Variants in BANP observed in about 807,000 individuals in gnomAD.
BANP encodes protein BANP.
In BANP, 11 loss-of-function variants were observed where a neutral mutation model predicts 68.1. That is an observed-to-expected ratio of 0.16 (90% CI 0.10 to 0.27). The LOEUF is 0.27. BANP is among the 10% of genes least tolerant of loss of function. The probability of loss-of-function intolerance (pLI) is 1.00; values close to 1 mark genes in which losing one functional copy is unlikely to be tolerated. For missense variants in BANP, 504 were observed against 722.7 expected, an observed-to-expected ratio of 0.70 and a Z score of 3.47; for synonymous variants, 329 against 303.2, an observed-to-expected ratio of 1.09 and a Z score of -0.88.
intron 13 of BANP, among the ~76,000 whole-genome samples, chr16:88,075,436 G>A (rs1226427258): frequency 6.6e-6 from 1 of 152,202 alleles, no homozygotes; most frequent in South Asian, 2.1e-4. Context: ...CCATGAGGTC[G>A]AGGCGGCCGT....
chr16:87,978,209 A>G (rs1346565764), intron 2 of BANP, among the ~76,000 whole-genome samples: 1 of 152,226 alleles, frequency 6.6e-6, no homozygotes, highest in Non-Finnish European at 1.5e-5. Context: ...AGAATTATAG[A>G]AAGGAACACA....
rs908003226 is a variant in BANP, at chr16:88,018,414, CTTCTG to C, written c.656-11_656-7del. 5 of 1,606,154 alleles carry C rather than the reference CTTCTG, an allele frequency of 3.1e-6. No homozygotes were observed. In the African/African-American group the frequency reaches 6.7e-5, roughly 21 times the overall value. Reference sequence around the variant, plus strand: ...GAGCCTTGGCCATCTGAGGACCTGTCTTCTGTTTTTCAGAGGACTACCCCAATGGC... The same window carrying C: ...GAGCCTTGGCCATCTGAGGACCTGTCTTTTTCAGAGGACTACCCCAATGGC... On this transcript the variant is annotated splice_polypyrimidine_tract_variant and intron_variant, in intron 6 of 13. Coordinates refer to ENST00000682872, the MANE Select transcript of BANP (RefSeq NM_001386991.1). This position sits in a 1 kb window ranked among gnomAD's most constrained non-coding sequence, Gnocchi z 7.7.
chr16:88,048,662 T>C (rs2082552763), intron 11 of BANP, among the ~76,000 whole-genome samples: 1 of 152,018 alleles, frequency 6.6e-6, no homozygotes, highest in Non-Finnish European at 1.5e-5. Flanking sequence ...CTAACAGTGT[T>C]CTTGGTATTG....
chr16:87,977,106 G>C (rs1041946633), intron 2 of BANP, among the ~76,000 whole-genome samples: 1 of 151,968 alleles, frequency 6.6e-6, no homozygotes, highest in African/African-American at 2.4e-5. Flanking sequence ...GCGATTTCTT[G>C]AGTATTTGTT....
At chr16:87,985,062 G>A (rs1363596297) in intron 4 of BANP, among the ~76,000 whole-genome samples, 3 of 152,182 alleles carry the variant, frequency 2.0e-5, no homozygotes, top group African/African-American at 4.8e-5. Flanking sequence ...TGTGGACGCC[G>A]AGGAATGGGA....
At chr16:88,046,400 C>T (rs1482555699) in intron 11 of BANP, among the ~76,000 whole-genome samples, 3 of 152,198 alleles carry the variant, frequency 2.0e-5, no homozygotes, top group African/African-American at 7.2e-5. Flanking sequence ...AAAGTTCATT[C>T]TTTCACGTGA....
At chr16:88,014,270 C>T (rs983449203) in intron 6 of BANP, among the ~76,000 whole-genome samples, 5 of 152,188 alleles carry the variant, frequency 3.3e-5, no homozygotes, top group African/African-American at 1.2e-4. Flanking sequence ...CTTGGGTGCA[C>T]TGGGTCTGGA....
intron 4 of BANP, among the ~76,000 whole-genome samples, chr16:87,988,555 G>A (rs1282154221): frequency 2.0e-5 from 3 of 151,940 alleles, no homozygotes; most frequent in African/African-American, 7.3e-5. Context: ...GTGAGCCACC[G>A]CCCCCGGCCG....
chr16:87,973,753 C>CAAAAAAAAA (rs58334556), intron 1 of BANP, among the ~76,000 whole-genome samples: 6 of 99,452 alleles, frequency 6.0e-5, no homozygotes, highest in East Asian at 1.2e-3. Flanking sequence ...AACTCCATCA[C>CAAAAAAAAA]AAAAAAAAAA....
At chr16:88,053,418 T>C (rs112926044) in intron 11 of BANP, among the ~76,000 whole-genome samples, 150 of 84,148 alleles carry the variant, frequency 1.8e-3, no homozygotes, top group Middle Eastern at 9.1e-3. Context: ...CAACCACCTT[T>C]ACCACCACCA....
At chr16:88,053,108 C>T (rs2083698704) in intron 11 of BANP, among the ~76,000 whole-genome samples, 1 of 152,100 alleles carries the variant, frequency 6.6e-6, no homozygotes, top group African/African-American at 2.4e-5. Context: ...ACCACTACCA[C>T]CCCCACCTCC....
chr16:88,072,264 C>T (rs1337742407), intron 13 of BANP, 52 bp downstream of exon 13: 2 of 1,554,856 alleles, frequency 1.3e-6, no homozygotes. Context: ...TGGCCGCCTG[C>T]CGCTGCCACC....
chr16:88,046,067 A>T (rs1403032402), intron 11 of BANP, among the ~76,000 whole-genome samples: 4 of 152,320 alleles, frequency 2.6e-5, no homozygotes, highest in African/African-American at 7.2e-5. Flanking sequence ...CCACACTGGC[A>T]CTGGTGCCCA....
intron 11 of BANP, among the ~76,000 whole-genome samples, chr16:88,050,558 G>A (rs1308951290): frequency 6.6e-6 from 1 of 152,234 alleles, no homozygotes. Flanking sequence ...TGGCGTTGCA[G>A]CCCACAGGAG....
Position 88,072,189 on chromosome 16 carries a change from A to G in BANP, c.1498A>G (p.Ser500Gly). 1 of 1,610,866 alleles carries G rather than the reference A, an allele frequency of 6.2e-7. No homozygotes were observed. The change falls in exon 13 of 14, where the codon AGT (serine) becomes GGT (glycine). Residue 500 changes from serine (S) to glycine (G), a missense_variant. Ser to Gly is a moderately conservative substitution (Grantham distance 56). Around this residue, in one of 3 missense-constraint regions of BANP, gnomAD observed 223 missense variants for 246.2 expected, o/e 0.91. Coordinates refer to ENST00000682872, the MANE Select transcript of BANP (RefSeq NM_001386991.1). The part of the protein sequence containing the change: ...QVQYVQLAPV[S>G]DHTAGAQTAE... ...TCAGTACGTGCAGCTGGCGCCAGTG[A>G]GTGACCACACGGCCGGGGCACAGGT... is the stretch of plus-strand genomic sequence containing the variant.
chr16:88,065,765 C>CT (rs1201517940), intron 12 of BANP, among the ~76,000 whole-genome samples: 11 of 152,252 alleles, frequency 7.2e-5, no homozygotes, highest in African/African-American at 2.6e-4. Context: ...GGGAACTGGG[C>CT]TGGTGGCAGG....
At chr16:88,068,943 C>T (rs2089552180) in intron 12 of BANP, among the ~76,000 whole-genome samples, 1 of 151,284 alleles carries the variant, frequency 6.6e-6, no homozygotes, top group South Asian at 2.1e-4. Flanking sequence ...GGGACTTGCT[C>T]TCTCTTTCCT....
chr16:87,989,789 C>T (rs2065441494), intron 4 of BANP, among the ~76,000 whole-genome samples: 1 of 122,142 alleles, frequency 8.2e-6, no homozygotes, highest in African/African-American at 3.2e-5. Flanking sequence ...TGCAGGCCCG[C>T]GTGGCTGCGC....
intron 1 of BANP, among the ~76,000 whole-genome samples, chr16:87,973,570 G>A (rs1397075847): frequency 2.0e-5 from 3 of 151,980 alleles, no homozygotes; most frequent in South Asian, 4.2e-4. Flanking sequence ...AGACCAACCC[G>A]ACCAACGTGG....
Sources: gnomAD v4.1 joint callset for allele counts (sites outside exome capture counted in the v4.1 genomes callset) on GRCh38, gnomAD v4.1.1 for gene constraint, gnomAD v4.1.1 regional missense constraint, Gnocchi (gnomAD v3.1) non-coding constraint, MANE v1.5 for transcripts, NCBI Gene and HGNC (gene_info 2026-07-23, HGNC 2026-07-21) for gene names.